PRDX3: variants seen among roughly 807,000 people sequenced by gnomAD.
PRDX3 encodes the protein peroxiredoxin 3, also known as thioredoxin-dependent peroxide reductase, mitochondrial.
A neutral mutation model predicts 30.4 loss-of-function variants in PRDX3; 20 were observed. The ratio of observed to expected loss-of-function variants is 0.66; its 90% CI spans 0.46 to 0.96. The LOEUF is 0.96. Ranked by LOEUF, PRDX3 falls within the 40% of genes least tolerant of loss-of-function variation. The pLI, the probability that PRDX3 is intolerant of heterozygous loss-of-function variation, is 0.00. For missense variants in PRDX3, 322 were observed against 318.3 expected (o/e 1.01, Z -0.09); for synonymous variants, 124 against 117.8 (o/e 1.05, Z -0.34).
At chr10:119,177,194 G>C in intron 1 of PRDX3, 41 bp from the exon 2 acceptor site, 1 of 1,604,686 alleles carries the variant, frequency 6.2e-7, no homozygotes, top group Non-Finnish European at 8.5e-7. Flanking sequence ...TTCCTGGACT[G>C]GTGACTGAAG....
In PRDX3 at chr10:119,177,075, T is replaced by G; in HGVS notation, c.115A>C (p.Ser39Arg). 1 of 1,614,074 alleles carries G rather than the reference T, an allele frequency of 6.2e-7. No homozygotes were observed. The highest frequency in any genetic ancestry group is 1.3e-5 in the African/African-American group (1 of 75,050). The change falls in exon 2 of 7, where the codon AGC becomes CGC. Residue 39 changes from serine to arginine, a missense_variant. Transcript: ENST00000298510. Reference sequence around the variant, plus strand: ...CCAGAACACAATAAATTTGTCAAGCTCGTTCTTCCACATGCAGCAGGCCTG... The same window carrying G: ...CCAGAACACAATAAATTTGTCAAGCGCGTTCTTCCACATGCAGCAGGCCTG... ...ALRPAACGRT[S>R]LTNLLCSGSS...
intron 1 of PRDX3, among the ~76,000 whole-genome samples, 153 bp from the exon 2 acceptor site, chr10:119,177,306 C>T (rs1848058762): frequency 6.6e-6 from 1 of 152,180 alleles, no homozygotes; most frequent in Non-Finnish European, 1.5e-5. Context: ...TCTGCATGTT[C>T]TTAACACTCC....
At chr10:119,170,138 T>G (rs1288589614) in intron 5 of PRDX3, 1 of 152,080 alleles carries the variant, frequency 6.6e-6, no homozygotes, top group Non-Finnish European at 1.5e-5. Context: ...TGACTATAGG[T>G]GTGTGTCACT....
At chr10:119,171,619 G>A (rs1176279005) in intron 5 of PRDX3, among the ~76,000 whole-genome samples, 1 of 152,102 alleles carries the variant, frequency 6.6e-6, no homozygotes. Flanking sequence ...ATGATGTTCT[G>A]GGGCAGAAAT....
chr10:119,173,416 C>T (rs547686484), intron 4 of PRDX3, among the ~76,000 whole-genome samples: 11 of 152,168 alleles, frequency 7.2e-5, no homozygotes, highest in Non-Finnish European at 1.2e-4. Flanking sequence ...TCGAGACCAG[C>T]GTGACCAACA....
intron 5 of PRDX3, chr10:119,169,565 T>C (rs891696438): frequency 6.9e-6 from 3 of 437,436 alleles, no homozygotes; most frequent in Non-Finnish European, 8.3e-6. Context: ...CCATAAAACA[T>C]GCAGTATGGT....
At chr10:119,177,673 G>C (rs1045988786) in intron 1 of PRDX3, among the ~76,000 whole-genome samples, 1 of 144,430 alleles carries the variant, frequency 6.9e-6, no homozygotes, top group Non-Finnish European at 1.5e-5. Flanking sequence ...AAAAAAATCA[G>C]AAACTCCATG....
chr10:119,175,131 T>C (rs1589665020), intron 2 of PRDX3, among the ~76,000 whole-genome samples: 1 of 152,228 alleles, frequency 6.6e-6, no homozygotes. Flanking sequence ...GAAGACAAAG[T>C]AGGGATAGAA....
intron 1 of PRDX3, among the ~76,000 whole-genome samples, chr10:119,177,356 GA>G (rs1261479821): frequency 2.0e-5 from 3 of 152,066 alleles, no homozygotes; most frequent in African/African-American, 7.2e-5. Flanking sequence ...AGGTGGAGAG[GA>G]ACTATAAGAA....
Position 119,169,298 on chromosome 10 carries a change from C to G in PRDX3, c.596G>C (p.Ser199Thr), listed in dbSNP as rs775701384. ...IDPNGVIKHL[S>T]VNDLPVGRSV... ...TCGGCCCACTGGGAGATCGTTGACG[C>G]TCAAATGCTTGATGACTCCATTGGG... The change falls in exon 6 of 7, where the codon AGC becomes ACC. Residue 199 changes from serine to threonine, a missense_variant. Physicochemically the swap from Ser to Thr is moderately conservative, Grantham distance 58. Coordinates refer to ENST00000298510, the MANE Select transcript of PRDX3 (RefSeq NM_006793.5). The G allele has an allele frequency of 1.2e-6, 2 of 1,614,156 alleles. No individual in the cohort carries two copies. Among genetic ancestry groups the G allele is most frequent in the South Asian group, 2.2e-5 (2 of 91,080 alleles).
At chr10:119,168,625 GT>G (rs1762353684) in intron 6 of PRDX3, 92 bp from the exon 7 acceptor site, 2 of 1,550,920 alleles carry the variant, frequency 1.3e-6, no homozygotes, top group Admixed American at 4.3e-5. Flanking sequence ...TTAACCTAAA[GT>G]TCTTTAAACT....
chr10:119,178,247 A>G (rs1210345051), intron 1 of PRDX3, among the ~76,000 whole-genome samples: 1 of 152,206 alleles, frequency 6.6e-6, no homozygotes, highest in Non-Finnish European at 1.5e-5. Context: ...CGTGTACCAA[A>G]AGAGCACGAC....
chr10:119,177,635 C>A (rs182845509), intron 1 of PRDX3, among the ~76,000 whole-genome samples: 1,630 of 136,462 alleles, frequency 0.012, 36 homozygotes, highest in African/African-American at 0.044. Context: ...CTAACCTGGG[C>A]GACAACTCCG....
intron 1 of PRDX3, among the ~76,000 whole-genome samples, chr10:119,178,315 A>AG (rs1475283585): frequency 6.6e-6 from 1 of 152,192 alleles, no homozygotes; most frequent in African/African-American, 2.4e-5. Context: ...TGGGATTGGG[A>AG]GGGAAAGCCT....
chr10:119,169,374 A>G (rs1237967073), intron 5 of PRDX3, 32 bp from the exon 6 acceptor site: 5 of 1,592,714 alleles, frequency 3.1e-6, no homozygotes, highest in Non-Finnish European at 4.3e-6. Flanking sequence ...TCAGTGCCTC[A>G]ACAGTACCAG....
At chr10:119,178,612 G>A (rs1201616489) in intron 1 of PRDX3, 143 bp downstream of exon 1, 2 of 1,034,412 alleles carry the variant, frequency 1.9e-6, no homozygotes, top group African/African-American at 1.6e-5. Context: ...TTCCCGGAGG[G>A]AGGCCTCTGG....
At chr10:119,173,232 C>T (rs1430984705) in intron 4 of PRDX3, among the ~76,000 whole-genome samples, 1 of 152,176 alleles carries the variant, frequency 6.6e-6, no homozygotes, top group East Asian at 1.9e-4. Flanking sequence ...GCCATCACGC[C>T]CGGCTGCTTT....
intron 5 of PRDX3, among the ~76,000 whole-genome samples, chr10:119,172,067 C>A (rs747311166): frequency 1.3e-5 from 2 of 152,178 alleles, no homozygotes; most frequent in Non-Finnish European, 2.9e-5. Flanking sequence ...AGACCGCCAA[C>A]CCTTGCAGGA....
chr10:119,174,598 A>G lies in PRDX3; in HGVS notation c.170-6T>C, dbSNP rs1847983768. The stretch of plus-strand genomic sequence containing the variant: ...AGGTGCATGGCATGAGGAACCTGAA[A>G]AAAAACCCACACTCATATGGAGTTC... On this transcript the variant is annotated splice_region_variant and splice_polypyrimidine_tract_variant and intron_variant, in intron 2 of 6. Coordinates refer to ENST00000298510, the MANE Select transcript of PRDX3 (RefSeq NM_006793.5). The G allele has an allele frequency of 6.3e-7, 1 of 1,580,666 alleles. No homozygotes were observed. Among genetic ancestry groups the G allele is most frequent in the South Asian group, 1.2e-5 (1 of 85,094 alleles).
Sources: allele counts gnomAD v4.1 joint callset (sites outside exome capture counted in the v4.1 genomes callset), GRCh38; gene constraint gnomAD v4.1.1; transcripts MANE v1.5; gene names NCBI Gene and HGNC (gene_info 2026-07-23, HGNC 2026-07-21).